Variants in TRIM24 observed in about 807,000 individuals in gnomAD.
TRIM24 encodes transcription intermediary factor 1-alpha.
A neutral mutation model predicts 123.9 loss-of-function variants in TRIM24; 29 were observed. That is an observed-to-expected ratio of 0.23 (90% CI 0.17 to 0.32). TRIM24 has a LOEUF of 0.32. Ranked by LOEUF, TRIM24 falls within the 10% of genes least tolerant of loss-of-function variation. The pLI, the probability that TRIM24 is intolerant of heterozygous loss-of-function variation, is 1.00. For synonymous variants in TRIM24, 456 were observed against 461.1 expected, an observed-to-expected ratio of 0.99 and a Z score of 0.14; for missense variants, 932 against 1,295.3, an observed-to-expected ratio of 0.72 and a Z score of 4.31.
At chr7:138,570,463 A>C (rs1351630251) in intron 10 of TRIM24, among the ~76,000 whole-genome samples, 1 of 152,178 alleles carries the variant, frequency 6.6e-6, no homozygotes, top group Non-Finnish European at 1.5e-5. Context: ...ATTTTCAAGT[A>C]TTTCAGATAG....
At chr7:138,476,587 C>T (rs1376819074) in intron 1 of TRIM24, among the ~76,000 whole-genome samples, 3 of 135,676 alleles carry the variant, frequency 2.2e-5, no homozygotes, top group East Asian at 2.2e-4. Context: ...AGCGAGGCTC[C>T]GTCTCAAAAA....
intron 6 of TRIM24, among the ~76,000 whole-genome samples, chr7:138,532,320 G>T (rs985983201): frequency 4.7e-4 from 72 of 152,178 alleles, no homozygotes; most frequent in Non-Finnish European, 9.4e-4. Flanking sequence ...TATTGCCTAG[G>T]TTTTCTTCTA....
chr7:138,480,746 G>A (rs147490003), intron 1 of TRIM24, among the ~76,000 whole-genome samples: 1 of 152,208 alleles, frequency 6.6e-6, no homozygotes, highest in East Asian at 1.9e-4. Flanking sequence ...GTATGTTCCT[G>A]TTGGCTCAGA....
At chr7:138,478,965 C>T (rs1795466047) in intron 1 of TRIM24, among the ~76,000 whole-genome samples, 1 of 152,160 alleles carries the variant, frequency 6.6e-6, no homozygotes, top group South Asian at 2.1e-4. Flanking sequence ...ATTAAGAAGA[C>T]TAAAAGTTAA....
At chr7:138,549,041 A>C (rs1358732985) in intron 7 of TRIM24, among the ~76,000 whole-genome samples, 1 of 152,224 alleles carries the variant, frequency 6.6e-6, no homozygotes, top group African/African-American at 2.4e-5. Context: ...AAAAAGTATA[A>C]TATAATAAAT....
intron 2 of TRIM24, among the ~76,000 whole-genome samples, chr7:138,510,553 C>A (rs558032190): frequency 6.6e-6 from 1 of 152,120 alleles, no homozygotes; most frequent in African/African-American, 2.4e-5. Context: ...TCCAGAGTAG[C>A]TGGGACTACA....
At chr7:138,504,447 CTTTTTTTTT>C (rs750956455) in intron 2 of TRIM24, 39 bp downstream of exon 2, 75 of 155,182 alleles carry the variant, frequency 4.8e-4, no homozygotes, top group Non-Finnish European at 7.4e-4. Context: ...CCTGCCAGCT[CTTTTTTTTT>C]TTTTTTTTTT....
chr7:138,503,290 T>C (rs1328878345), intron 1 of TRIM24, among the ~76,000 whole-genome samples: 1 of 152,204 alleles, frequency 6.6e-6, no homozygotes, highest in South Asian at 2.1e-4. Flanking sequence ...AATCTATAGA[T>C]ATGTTTGTGG....
chr7:138,517,474 G>A (rs1351055115), intron 3 of TRIM24, among the ~76,000 whole-genome samples: 5 of 151,994 alleles, frequency 3.3e-5, no homozygotes, highest in African/African-American at 9.7e-5. Flanking sequence ...GGGTTCAAGC[G>A]ATTCTCCTAC....
rs373138721 is a variant in TRIM24 at position 138,489,242 on chromosome 7, T to C, written c.365-15048T>C. Among the ~76,000 whole-genome samples the C allele has an allele frequency of 5.0e-4, 76 of 152,344 alleles. No individual in the cohort carries two copies. The South Asian group carries it at 0.014, about 28-fold the overall frequency. On this transcript the variant is annotated intron_variant, in intron 1 of 18. Coordinates refer to ENST00000343526, the MANE Select transcript of TRIM24 (RefSeq NM_015905.3). Reference sequence around the variant, plus strand: ...CCTTTATTTTGAGCCTATGTGTGTCTGTGCACGTGAGATGGGTCTCCCGAA... The same window carrying C: ...CCTTTATTTTGAGCCTATGTGTGTCCGTGCACGTGAGATGGGTCTCCCGAA...
chr7:138,537,815 G>C (rs111495042), intron 6 of TRIM24, among the ~76,000 whole-genome samples: 6,101 of 152,218 alleles, frequency 0.04, 156 homozygotes, highest in Middle Eastern at 0.088. Context: ...CTAGGATCTG[G>C]GTTCGCTTTT....
chr7:138,520,508 G>C (rs1014802215), intron 4 of TRIM24, among the ~76,000 whole-genome samples: 1 of 152,138 alleles, frequency 6.6e-6, no homozygotes, highest in African/African-American at 2.4e-5. Flanking sequence ...ATTAGACAAT[G>C]CGAACATAGT....
At chr7:138,581,351 G>A (rs1400117818) in intron 16 of TRIM24, among the ~76,000 whole-genome samples, 1 of 152,136 alleles carries the variant, frequency 6.6e-6, no homozygotes, top group East Asian at 1.9e-4. Flanking sequence ...CTTAGGTCTG[G>A]ATGCATATTG....
intron 6 of TRIM24, among the ~76,000 whole-genome samples, chr7:138,530,695 T>G (rs996855062): frequency 1.3e-5 from 2 of 151,936 alleles, no homozygotes; most frequent in Non-Finnish European, 2.9e-5. Context: ...CTCGAACTAC[T>G]GGGCTCAGGC....
intron 1 of TRIM24, among the ~76,000 whole-genome samples, chr7:138,500,658 G>C (rs1488246095): frequency 6.6e-6 from 1 of 151,004 alleles, no homozygotes; most frequent in African/African-American, 2.4e-5. Flanking sequence ...AGGATCCCTT[G>C]AGCCCAGGAG....
intron 2 of TRIM24, among the ~76,000 whole-genome samples, chr7:138,513,540 A>G (rs1298558626): frequency 6.6e-6 from 1 of 152,108 alleles, no homozygotes; most frequent in Non-Finnish European, 1.5e-5. Flanking sequence ...GCTCATCCAC[A>G]TGGCTGGAGC....
chr7:138,573,787 CA>C, intron 12 of TRIM24, 145 bp downstream of exon 12: 4 of 999,418 alleles, frequency 4.0e-6, no homozygotes, highest in Non-Finnish European at 5.7e-6. Flanking sequence ...TCAGAGAAAA[CA>C]AAGGTTAAAT....
Position 138,476,435 on chromosome 7 carries a change from A to G in TRIM24, c.364+15523A>G, listed in dbSNP as rs185422167. Among the ~76,000 whole-genome samples, 1,052 of 152,232 alleles carry G rather than the reference A, an allele frequency of 6.9e-3. 16 individuals are homozygous for G. The highest frequency in any genetic ancestry group is 0.024 in the African/African-American group (995 of 41,536). ...TGGTGAAATCCTGTCTCTACTAAAA[A>G]TACAAAAATTAGCCGGGCATGGTGG... is the stretch of plus-strand genomic sequence containing the variant. On this transcript the variant is annotated intron_variant, in intron 1 of 18. Transcript: ENST00000343526.
intron 6 of TRIM24, among the ~76,000 whole-genome samples, chr7:138,531,177 ACATATG>A: frequency 8.3e-6 from 1 of 120,246 alleles, no homozygotes; most frequent in Admixed American, 7.6e-5. Context: ...CACAACGTGC[ACATATG>A]TATATGTATA....
Sources: gnomAD v4.1 joint callset for allele counts (sites outside exome capture counted in the v4.1 genomes callset) on GRCh38, gnomAD v4.1.1 for gene constraint, MANE v1.5 for transcripts, NCBI Gene and HGNC (gene_info 2026-07-23, HGNC 2026-07-21) for gene names.